Variants in RSU1 observed in about 807,000 individuals in gnomAD.
The protein encoded by RSU1 is Ras suppressor protein 1.
In RSU1, 26 loss-of-function variants were observed where a neutral mutation model predicts 31.1. The observed-to-expected ratio is 0.84, with a 90% CI of 0.61 to 1.16. The LOEUF (loss-of-function observed/expected upper bound fraction) is 1.16. Ranked by LOEUF, RSU1 falls within the 50% of genes most tolerant of loss-of-function variation. The probability of loss-of-function intolerance (pLI) is 0.00; values close to 1 mark genes in which losing one functional copy is unlikely to be tolerated. For missense variants in RSU1, 320 were observed against 339.1 expected, an observed-to-expected ratio of 0.94 and a Z score of 0.44; for synonymous variants, 164 against 136.3, an observed-to-expected ratio of 1.20 and a Z score of -1.41.
At chr10:16,646,297 A>G (rs371348274) in intron 8 of RSU1, among the ~76,000 whole-genome samples, 1 of 152,080 alleles carries the variant, frequency 6.6e-6, no homozygotes, top group African/African-American at 2.4e-5. Flanking sequence ...GCTGTGTTCA[A>G]CTGTGGCCTC....
intron 8 of RSU1, among the ~76,000 whole-genome samples, chr10:16,638,743 A>C (rs1036526327): frequency 4.6e-5 from 7 of 152,334 alleles, no homozygotes; most frequent in Non-Finnish European, 8.8e-5. Context: ...AAATGCGAGG[A>C]GGCCTGGCGG....
chr10:16,767,460 C>A (rs540396563), intron 3 of RSU1: 2 of 152,070 alleles, frequency 1.3e-5, no homozygotes, highest in Admixed American at 6.6e-5. Flanking sequence ...GTTTTGTGAA[C>A]GCAAACAATA....
At chr10:16,702,634 G>C (rs975322888) in intron 7 of RSU1, among the ~76,000 whole-genome samples, 1 of 152,194 alleles carries the variant, frequency 6.6e-6, no homozygotes, top group African/African-American at 2.4e-5. Flanking sequence ...CTCCCTACTG[G>C]AACAGGAGTA....
intron 2 of RSU1, among the ~76,000 whole-genome samples, chr10:16,811,517 C>G (rs1838408753): frequency 6.6e-6 from 1 of 152,080 alleles, no homozygotes; most frequent in Non-Finnish European, 1.5e-5. Context: ...GGATACACAG[C>G]TAGTAGCAAA....
intron 8 of RSU1, among the ~76,000 whole-genome samples, chr10:16,661,852 G>T (rs936960134): frequency 2.6e-5 from 4 of 152,062 alleles, no homozygotes; most frequent in Non-Finnish European, 2.9e-5. Flanking sequence ...CATTTCTTTG[G>T]TTTCAAATTA....
At chr10:16,814,881 G>A (rs549972125) in intron 2 of RSU1, among the ~76,000 whole-genome samples, 1 of 152,310 alleles carries the variant, frequency 6.6e-6, no homozygotes, top group African/African-American at 2.4e-5. Context: ...AGATAACGGA[G>A]CTGAACCGAA....
At chr10:16,762,815 C>T (rs189214320) in intron 4 of RSU1, among the ~76,000 whole-genome samples, 186 of 152,072 alleles carry the variant, frequency 1.2e-3, no homozygotes, top group African/African-American at 4.4e-3. Flanking sequence ...GAGATTGAGA[C>T]CATCCTGGCC....
chr10:16,773,382 G>T (rs1269213805), intron 3 of RSU1, among the ~76,000 whole-genome samples: 1 of 152,086 alleles, frequency 6.6e-6, no homozygotes, highest in Non-Finnish European at 1.5e-5. Context: ...TGGGAGCTTT[G>T]ATCATTCCCT....
intron 8 of RSU1, among the ~76,000 whole-genome samples, chr10:16,615,384 C>G (rs1171662703): frequency 1.3e-5 from 2 of 152,112 alleles, no homozygotes; most frequent in African/African-American, 2.4e-5. Flanking sequence ...ATACATAAAA[C>G]AAGTTCTGAG....
intron 2 of RSU1, among the ~76,000 whole-genome samples, chr10:16,807,795 A>G (rs1437716308): frequency 6.6e-6 from 1 of 152,120 alleles, no homozygotes; most frequent in Admixed American, 6.6e-5. Flanking sequence ...AGGCTGAGGC[A>G]GGCGGATCAT....
At chr10:16,773,281 C>T (rs536341047) in intron 3 of RSU1, among the ~76,000 whole-genome samples, 6 of 152,036 alleles carry the variant, frequency 3.9e-5, no homozygotes, top group Admixed American at 2.0e-4. Context: ...CTCTTCCTAC[C>T]AGACCTTATG....
intron 3 of RSU1, among the ~76,000 whole-genome samples, chr10:16,766,706 A>C (rs1353997565): frequency 1.3e-5 from 2 of 151,074 alleles, no homozygotes; most frequent in Non-Finnish European, 2.9e-5. Context: ...CAAGAGTACA[A>C]CTCTATCTCG....
chr10:16,697,425 G>A (rs1835699148), intron 7 of RSU1, among the ~76,000 whole-genome samples: 1 of 152,210 alleles, frequency 6.6e-6, no homozygotes, highest in South Asian at 2.1e-4. Flanking sequence ...GGGAGGCCAA[G>A]GCGGGTGGAT....
chr10:16,791,172 A>G (rs1419751682), intron 2 of RSU1, among the ~76,000 whole-genome samples: 2 of 152,044 alleles, frequency 1.3e-5, no homozygotes, highest in African/African-American at 4.8e-5. Context: ...GGTTACAAGC[A>G]TGCACCACCA....
chr10:16,638,258 A>T (rs1834380215), intron 8 of RSU1, among the ~76,000 whole-genome samples: 1 of 152,204 alleles, frequency 6.6e-6, no homozygotes, highest in Non-Finnish European at 1.5e-5. Flanking sequence ...ATCAGAAAAC[A>T]GTCTCGCCAA....
intron 7 of RSU1, among the ~76,000 whole-genome samples, chr10:16,718,991 A>AAG (rs1836200589): frequency 1.3e-5 from 2 of 151,606 alleles, no homozygotes. Context: ...TCAAAAAAAA[A>AAG]AAAAAAAAAT....
intron 7 of RSU1, among the ~76,000 whole-genome samples, chr10:16,707,815 CCT>C (rs1207874829): frequency 1.3e-5 from 2 of 152,044 alleles, no homozygotes; most frequent in East Asian, 1.9e-4. Context: ...TGAAAAGTTT[CCT>C]CTCTGTTTTC....
At chr10:16,637,426 G>A (rs951281602) in intron 8 of RSU1, among the ~76,000 whole-genome samples, 4 of 151,986 alleles carry the variant, frequency 2.6e-5, no homozygotes, top group African/African-American at 4.8e-5. Context: ...AGTGGACGCC[G>A]TGCTAGTTTA....
intron 8 of RSU1, among the ~76,000 whole-genome samples, chr10:16,674,063 G>A (rs1034024678): frequency 3.9e-5 from 6 of 152,162 alleles, no homozygotes; most frequent in Non-Finnish European, 8.8e-5. Context: ...GTGTCTGTTA[G>A]GGGATGGGAG....
Sources: gnomAD v4.1 joint callset for allele counts (sites outside exome capture counted in the v4.1 genomes callset) on GRCh38, gnomAD v4.1.1 for gene constraint, MANE v1.5 for transcripts, NCBI Gene and HGNC (gene_info 2026-07-23, HGNC 2026-07-21) for gene names.